DNAH3: variants seen among roughly 807,000 people sequenced by gnomAD.
The protein encoded by DNAH3 is axonemal beta dynein heavy chain 3.
A neutral mutation model predicts 432.5 loss-of-function variants in DNAH3; 332 were observed. That is an observed-to-expected ratio of 0.77 (90% CI 0.70 to 0.84). The LOEUF is 0.84. DNAH3 is among the 40% of genes least tolerant of loss of function. DNAH3 has a pLI of 0.00. For synonymous variants in DNAH3, 1,956 were observed against 1,900.2 expected (o/e 1.03, Z -0.76); for missense variants, 4,861 against 5,114.0 (o/e 0.95, Z 1.51).
chr16:20,946,350 G>A (rs1388502153), intron 57 of DNAH3, among the ~76,000 whole-genome samples: 2 of 152,108 alleles, frequency 1.3e-5, no homozygotes, highest in Admixed American at 6.6e-5. Context: ...CCTCCACTTC[G>A]AGTTTTCCCG....
chr16:20,974,145 G>A (rs1467736977), intron 51 of DNAH3, among the ~76,000 whole-genome samples: 2 of 152,032 alleles, frequency 1.3e-5, no homozygotes, highest in Non-Finnish European at 2.9e-5. Context: ...TCAGTCTCCT[G>A]AGTAGCCGGG....
chr16:20,964,913 G>A lies in DNAH3; in HGVS notation c.8971C>T (p.Arg2991Cys), dbSNP rs777070451. The stretch of plus-strand genomic sequence containing the variant: ...ACGTCACCAGTCAGATTAGTATAGC[G>A]GATCCCCAGCTGTCGGGCAGCTTCG... Residue 2991 changes from arginine to cysteine, a missense_variant, in exon 53 of 62, where the codon CGC (arginine) becomes TGC (cysteine). By Grantham distance (180) the Arg-to-Cys change is radical. Coordinates refer to ENST00000261383, the Ensembl canonical transcript of DNAH3. 59 of 1,614,024 alleles carry A rather than the reference G, an allele frequency of 3.7e-5. No individual in the cohort carries two copies. The highest frequency in any genetic ancestry group is 2.7e-4 in the East Asian group (12 of 44,898).
chr16:21,133,855 T>C (rs1184490013), intron 7 of DNAH3, among the ~76,000 whole-genome samples: 2 of 152,252 alleles, frequency 1.3e-5, no homozygotes, highest in Admixed American at 1.3e-4. Flanking sequence ...AAGTTATTTA[T>C]TCCTCTTATC....
intron 42 of DNAH3, among the ~76,000 whole-genome samples, chr16:21,002,444 G>GTTATTATTATTATTATTA (rs67362610): frequency 7.4e-4 from 108 of 146,894 alleles, no homozygotes; most frequent in African/African-American, 1.3e-3. Flanking sequence ...ATCTGGTGTT[G>GTTATTATTATTATTATTA]TTATTATTAT....
intron 52 of DNAH3, among the ~76,000 whole-genome samples, chr16:20,966,340 T>A (rs2085063409): frequency 6.6e-6 from 1 of 151,856 alleles, no homozygotes; most frequent in African/African-American, 2.4e-5. Context: ...CGCCCAGCTG[T>A]GCCCAGCCAA....
intron 12 of DNAH3, among the ~76,000 whole-genome samples, chr16:21,115,559 C>T (rs1401150981): frequency 6.6e-6 from 1 of 151,076 alleles, no homozygotes; most frequent in Non-Finnish European, 1.5e-5. Context: ...ATATAAAAAT[C>T]GGCTGGGCGT....
At position 21,120,623 on chromosome 16, in the gene DNAH3, T is replaced by C. The variant is rs774034678; in HGVS notation, c.1699+117A>G. 1.1e-4 allele frequency: 85 copies of C among 790,046 alleles called. No homozygotes were observed. The Admixed American group carries it at 1.7e-3, about 16-fold the overall frequency. The allele number at this position is 790,046 out of a possible 1,614,324, so 48.9% of individuals were successfully genotyped here. A position where few individuals can be genotyped will look rare whatever the true frequency, so the allele number is the denominator to read the frequency against. ...TAGATGGGGAACTCAGTCTACGTTG[T>C]TTTTCCTTATTGTCTCGTAAAGTCA... On this transcript the variant is annotated intron_variant, in intron 11 of 61. Transcript: ENST00000261383.
intron 44 of DNAH3, among the ~76,000 whole-genome samples, chr16:20,988,438 G>T (rs1457437085): frequency 6.6e-6 from 1 of 151,966 alleles, no homozygotes; most frequent in Non-Finnish European, 1.5e-5. Context: ...TTTTTGAGAT[G>T]GAGTTCCCCT....
chr16:21,060,526 CTTTTTTTTTTTTTTTT>C (rs375746116), intron 25 of DNAH3, among the ~76,000 whole-genome samples, 170 bp from the exon 26 acceptor site: 6 of 93,420 alleles, frequency 6.4e-5, no homozygotes, highest in African/African-American at 2.4e-4. Flanking sequence ...TTTTTTTTTT[CTTTTTTTTTTTTTTTT>C]TGATACAGAG....
exon 6 of DNAH3, chr16:21,136,334 C>G: frequency 1.2e-6 from 2 of 1,613,858 alleles, no homozygotes; most frequent in Non-Finnish European, 1.7e-6. Flanking sequence ...CGATGCTTTT[C>G]ATGAGGCTAC....
At chr16:21,075,619 G>T in intron 20 of DNAH3, 58 bp from the exon 21 acceptor site, 3 of 1,365,762 alleles carry the variant, frequency 2.2e-6, no homozygotes, top group Non-Finnish European at 3.1e-6. Context: ...ACACATCAAA[G>T]GAGGAACTTC....
intron 12 of DNAH3, among the ~76,000 whole-genome samples, chr16:21,113,468 T>TTTTA (rs2092119164): frequency 1.3e-5 from 2 of 151,984 alleles, no homozygotes; most frequent in Admixed American, 6.6e-5. Flanking sequence ...TTTTATTTTA[T>TTTTA]TTTATTTTTT....
chr16:20,955,849 T>C (rs1275080041), intron 54 of DNAH3, among the ~76,000 whole-genome samples: 3 of 152,222 alleles, frequency 2.0e-5, no homozygotes, highest in Non-Finnish European at 4.4e-5. Context: ...TTGATAATTT[T>C]ACCACCTATA....
intron 37 of DNAH3, among the ~76,000 whole-genome samples, chr16:21,030,083 C>A (rs1280804661): frequency 6.6e-6 from 1 of 152,134 alleles, no homozygotes; most frequent in Non-Finnish European, 1.5e-5. Context: ...GTCTCAGCCT[C>A]TAGAAGTGTT....
At chr16:20,948,532 G>A (rs749129605) in exon 57 of DNAH3, 2 of 1,614,062 alleles carry the variant, frequency 1.2e-6, no homozygotes, top group Non-Finnish European at 8.5e-7. Context: ...AGGAGCGAGG[G>A]AGTAATAGTC....
chr16:20,983,057 A>C (rs2085988093), intron 48 of DNAH3, 171 bp from the exon 49 acceptor site: 1 of 612,810 alleles, frequency 1.6e-6, no homozygotes, highest in Non-Finnish European at 2.8e-6. Flanking sequence ...ATGCGGGCTA[A>C]TTAGTGGGAT....
At chr16:21,062,182 G>A (rs2090382391) in intron 25 of DNAH3, among the ~76,000 whole-genome samples, 1 of 152,122 alleles carries the variant, frequency 6.6e-6, no homozygotes, top group South Asian at 2.1e-4. Flanking sequence ...TCTGCACATG[G>A]AAATCTAAAC....
exon 9 of DNAH3, chr16:21,125,216 T>G: frequency 1.9e-6 from 3 of 1,612,696 alleles, no homozygotes; most frequent in Non-Finnish European, 2.5e-6. Context: ...TCAAGTGACT[T>G]AATGACCAGC....
At chr16:20,933,196 C>G in exon 62 of DNAH3, 2 of 1,614,228 alleles carry the variant, frequency 1.2e-6, no homozygotes, top group Non-Finnish European at 1.7e-6. Flanking sequence ...CTCGGTTTAT[C>G]CAGTGCTTCT....
Sources: allele counts gnomAD v4.1 joint callset (sites outside exome capture counted in the v4.1 genomes callset), GRCh38; gene constraint gnomAD v4.1.1; transcripts MANE v1.5; gene names NCBI Gene and HGNC (gene_info 2026-07-23, HGNC 2026-07-21).